The following BIRC6 variants were observed in gnomAD, a reference collection of about 807,000 sequenced individuals.
The protein encoded by BIRC6 is baculoviral IAP repeat containing 6, also known as dual E2 ubiquitin-conjugating enzyme/E3 ubiquitin-protein ligase BIRC6.
A neutral mutation model predicts 503.3 loss-of-function variants in BIRC6; 98 were observed. The ratio of observed to expected loss-of-function variants is 0.19; its 90% CI spans 0.17 to 0.23. BIRC6 has a LOEUF of 0.23. BIRC6 is among the 10% of genes least tolerant of loss of function. The pLI is 1.00. For synonymous variants in BIRC6, 2,240 were observed against 2,078.7 expected (o/e 1.08, Z -2.11); for missense variants, 5,360 against 5,806.0 (o/e 0.92, Z 2.50).
Position 32,543,094 on chromosome 2 carries a change from C to T in BIRC6, c.12292-147C>T, listed in dbSNP as rs2057799276. 7 of 951,056 alleles carry T rather than the reference C, an allele frequency of 7.4e-6. No homozygotes were observed. In the South Asian group the frequency reaches 1.3e-4, roughly 17 times the overall value. 58.9% of individuals were successfully genotyped at this position (951,056 alleles called of 1,614,324 possible). On this transcript the variant is annotated intron_variant, in intron 61 of 73. Transcript: ENST00000421745. ...GGATAACAGGCGTGAGCCACTGCGC[C>T]CGGCTGGAAGCTTGTTTTTTAAAGC...
chr2:32,499,409 A>T (rs1335740166), intron 45 of BIRC6, 138 bp from the exon 46 acceptor site: 1 of 755,006 alleles, frequency 1.3e-6, no homozygotes, highest in Non-Finnish European at 2.0e-6. Flanking sequence ...AGTGAATATC[A>T]AGAATTTGTT....
chr2:32,548,101 C>T (rs940206897), intron 64 of BIRC6, 87 bp downstream of exon 64: 1 of 1,234,910 alleles, frequency 8.1e-7, no homozygotes, highest in South Asian at 1.9e-5. Flanking sequence ...ATCCAACTTT[C>T]CTCAGCTATG....
intron 55 of BIRC6, among the ~76,000 whole-genome samples, chr2:32,517,690 C>G (rs1572759051): frequency 6.6e-6 from 1 of 152,278 alleles, no homozygotes; most frequent in Non-Finnish European, 1.5e-5. Context: ...AGTCCTGCCT[C>G]AGCCTCCCAA....
At chr2:32,510,676 A>C in intron 53 of BIRC6, 42 bp downstream of exon 53, 1 of 1,251,576 alleles carries the variant, frequency 8.0e-7, no homozygotes, top group Non-Finnish European at 1.2e-6. Context: ...ACACATGCAC[A>C]TAATCATGCT....
intron 3 of BIRC6, among the ~76,000 whole-genome samples, chr2:32,381,866 A>T (rs746787483): frequency 1.3e-5 from 2 of 151,832 alleles, no homozygotes; most frequent in Non-Finnish European, 2.9e-5. Flanking sequence ...TTCACTCAAG[A>T]ATTTGTCTTG....
chr2:32,450,478 A>G (rs192168077), intron 22 of BIRC6, among the ~76,000 whole-genome samples: 18 of 152,156 alleles, frequency 1.2e-4, no homozygotes, highest in African/African-American at 3.1e-4. Context: ...AAAAATCATG[A>G]TATGTCTCCA....
chr2:32,447,536 T>G (rs1161987141), intron 21 of BIRC6, among the ~76,000 whole-genome samples: 2 of 74,058 alleles, frequency 2.7e-5, no homozygotes, highest in South Asian at 4.9e-4. Flanking sequence ...GGGTCCTCAC[T>G]TCCCAGTAGG....
chr2:32,466,317 T>C (rs1242315118), intron 26 of BIRC6, among the ~76,000 whole-genome samples: 1 of 152,230 alleles, frequency 6.6e-6, no homozygotes, highest in Non-Finnish European at 1.5e-5. Context: ...ATTGAACTTA[T>C]TCTTGTAATG....
intron 59 of BIRC6, 88 bp from the exon 60 acceptor site, chr2:32,529,563 C>A: frequency 8.3e-7 from 1 of 1,199,868 alleles, no homozygotes; most frequent in Non-Finnish European, 1.1e-6. Flanking sequence ...CAAACTCTTG[C>A]CTGTAATTTA....
At chr2:32,523,994 C>T (rs370307344) in intron 57 of BIRC6, among the ~76,000 whole-genome samples, 1 of 150,438 alleles carries the variant, frequency 6.6e-6, no homozygotes, top group East Asian at 1.9e-4. Flanking sequence ...CAGTGAACCG[C>T]GATTACACCA....
At position 32,544,743 on chromosome 2, in the gene BIRC6, AT is replaced by A. The variant is rs2057935529; in HGVS notation, c.12593-896del. Among the ~76,000 whole-genome samples, 7 of 151,842 alleles carry A rather than the reference AT, an allele frequency of 4.6e-5. No individual in the cohort carries two copies. In the South Asian group the frequency reaches 1.5e-3, roughly 32 times the overall value. On this transcript the variant is annotated intron_variant, in intron 62 of 73. Transcript: ENST00000421745. ...TCAAAGTAAATATTTTTTCCTTTAT[AT>A]TTTCCTAACAACAAAAATCCCTCAT...
At chr2:32,385,743 T>C (rs1291230787) in intron 3 of BIRC6, among the ~76,000 whole-genome samples, 1 of 152,192 alleles carries the variant, frequency 6.6e-6, no homozygotes, top group Non-Finnish European at 1.5e-5. Flanking sequence ...GTTTCTTGTT[T>C]TGCACCTTAC....
intron 63 of BIRC6, among the ~76,000 whole-genome samples, chr2:32,547,234 A>T (rs938915353): frequency 1.3e-5 from 2 of 152,108 alleles, no homozygotes; most frequent in Admixed American, 6.5e-5. Flanking sequence ...TCTCAATTCA[A>T]TTTTGAGTCA....
chr2:32,601,700 G>A (rs1487450951), intron 70 of BIRC6, among the ~76,000 whole-genome samples: 1 of 152,188 alleles, frequency 6.6e-6, no homozygotes, highest in African/African-American at 2.4e-5. Context: ...TATGCCAGAA[G>A]AACACATGTG....
chr2:32,564,135 A>G (rs529830296), intron 65 of BIRC6: 2 of 152,296 alleles, frequency 1.3e-5, no homozygotes, highest in Non-Finnish European at 2.9e-5. Flanking sequence ...CCATCCCCTC[A>G]TCTTCTCTAG....
In BIRC6 at chr2:32,377,620, A is replaced by T; in HGVS notation, c.358A>T (p.Ile120Phe). The T allele has an allele frequency of 1.2e-6, 2 of 1,612,212 alleles. No homozygotes were observed. Among genetic ancestry groups the T allele is most frequent in the Non-Finnish European group, 1.7e-6 (2 of 1,179,330 alleles). The part of the protein sequence containing the change: ...KPGGQVKCQY[I>F]SAVDKVIFVD... ...AGGTGGACAGGTGAAATGTCAGTATATCTCTGCTGTGGATAAAGTTATATT... is the reference window on the plus strand; with the variant it reads ...AGGTGGACAGGTGAAATGTCAGTATTTCTCTGCTGTGGATAAAGTTATATT... The change falls in exon 2 of 74, where the codon ATC becomes TTC. Residue 120 changes from isoleucine (I) to phenylalanine (F), a missense_variant. This residue lies in a region of BIRC6 where 47 missense variants were observed against 93.3 expected (regional missense o/e 0.50). Transcript: ENST00000421745.
intron 43 of BIRC6, 48 bp from the exon 44 acceptor site, chr2:32,491,377 T>C: frequency 6.6e-7 from 1 of 1,510,980 alleles, no homozygotes. Context: ...TGCATTTCCA[T>C]TATTTCATGG....
At position 32,392,059 on chromosome 2, in the gene BIRC6, C is replaced by T. The variant is rs758332196; in HGVS notation, c.860C>T (p.Ala287Val). 6.3e-7 allele frequency: 1 copy of T among 1,587,196 alleles called. No individual in the cohort carries two copies. The highest frequency in any genetic ancestry group is 2.3e-5 in the East Asian group (1 of 44,102). Residue 287 changes from alanine (A) to valine (V), a missense_variant, in exon 5 of 74, where the codon GCT (alanine) becomes GTT (valine). This residue lies in a region of BIRC6 where 92 missense variants were observed against 176.7 expected (regional missense o/e 0.52). Coordinates refer to ENST00000421745, the MANE Select transcript of BIRC6 (RefSeq NM_016252.4). ...TTTAGATCACTGATGTATAGTGAAG[C>T]TAACAGACGGGAGACATTTACCTCA... is the stretch of plus-strand genomic sequence containing the variant. ...SVDRSLMYSE[A>V]NRRETFTSWP...
At chr2:32,363,296 T>C (rs1240905849) in intron 1 of BIRC6, among the ~76,000 whole-genome samples, 2 of 152,158 alleles carry the variant, frequency 1.3e-5, no homozygotes, top group African/African-American at 4.8e-5. Flanking sequence ...TGTGCCAGCC[T>C]GGGCAACAGA....
Sources: allele counts gnomAD v4.1 joint callset (sites outside exome capture counted in the v4.1 genomes callset), GRCh38; gene constraint gnomAD v4.1.1; regional missense constraint gnomAD v4.1.1; transcripts MANE v1.5; gene names NCBI Gene and HGNC (gene_info 2026-07-23, HGNC 2026-07-21).